Variants in SLC4A4 observed in about 807,000 individuals in gnomAD.
SLC4A4 encodes electrogenic sodium bicarbonate cotransporter 1.
SLC4A4 carries 27 observed loss-of-function variants against 111.5 expected under a neutral mutation model. That is an observed-to-expected ratio of 0.24 (90% CI 0.18 to 0.33). The LOEUF (loss-of-function observed/expected upper bound fraction) is 0.33. SLC4A4 is among the 10% of genes least tolerant of loss of function. The pLI is 1.00. For missense variants in SLC4A4, 909 were observed against 1,315.5 expected (o/e 0.69, Z 4.78); for synonymous variants, 443 against 463.4 (o/e 0.96, Z 0.57).
chr4:71,424,131 A>C (rs1026010731), intron 7 of SLC4A4, among the ~76,000 whole-genome samples: 1 of 152,176 alleles, frequency 6.6e-6, no homozygotes, highest in Non-Finnish European at 1.5e-5. Context: ...CAATGAACTC[A>C]AACAAATTTA....
intron 14 of SLC4A4, among the ~76,000 whole-genome samples, chr4:71,479,873 AC>A (rs1728711663): frequency 6.6e-6 from 1 of 151,838 alleles, no homozygotes; most frequent in African/African-American, 2.4e-5. Context: ...TTGTCATCAG[AC>A]CTGGAAAATT....
In SLC4A4 at chr4:71,285,408, G is replaced by A. The variant is rs554344636; in HGVS notation, c.253+30009G>A. 8.0e-4 allele frequency among the ~76,000 whole-genome samples: 122 copies of A among 152,268 alleles called. 1 individual carries two copies. In the South Asian group the frequency reaches 0.011, roughly 14 times the overall value. ...CCCCACTGGCTCACCTGGGGAGACT[G>A]AGGGCAAATTGCCTGTATTGATCAC... is the stretch of plus-strand genomic sequence containing the variant. On this transcript the variant is annotated intron_variant, in intron 3 of 25. Transcript: ENST00000264485.
intron 18 of SLC4A4, among the ~76,000 whole-genome samples, chr4:71,541,091 A>C (rs188907138): frequency 5.9e-5 from 9 of 152,238 alleles, no homozygotes; most frequent in African/African-American, 2.2e-4. Flanking sequence ...GTGACAACCA[A>C]AAATGTCTTC....
intron 8 of SLC4A4, among the ~76,000 whole-genome samples, chr4:71,444,919 C>T (rs1725085067): frequency 6.6e-6 from 1 of 152,144 alleles, no homozygotes; most frequent in East Asian, 1.9e-4. Flanking sequence ...GGCAGATTTA[C>T]TGAATTATTC....
chr4:71,543,124 G>A (rs1735214721), intron 18 of SLC4A4, among the ~76,000 whole-genome samples: 1 of 152,102 alleles, frequency 6.6e-6, no homozygotes, highest in African/African-American at 2.4e-5. Context: ...TAATGTGATG[G>A]CACTTATATT....
intron 2 of SLC4A4, among the ~76,000 whole-genome samples, chr4:71,249,583 A>G (rs1019437188): frequency 6.6e-6 from 1 of 152,140 alleles, no homozygotes; most frequent in Non-Finnish European, 1.5e-5. Flanking sequence ...TGAGAATAAT[A>G]AGCTAACAAA....
At chr4:71,275,910 G>A (rs560250725) in intron 3 of SLC4A4, among the ~76,000 whole-genome samples, 1 of 152,326 alleles carries the variant, frequency 6.6e-6, no homozygotes, top group Admixed American at 6.5e-5. Flanking sequence ...TGAAGTTGAA[G>A]CTGGTGATTT....
At chr4:71,123,608 G>C (rs1320092136) in intron 2 of SLC4A4, among the ~76,000 whole-genome samples, 4 of 152,056 alleles carry the variant, frequency 2.6e-5, no homozygotes, top group Admixed American at 6.6e-5. Context: ...AAAAAAATTA[G>C]CAACAGTAAA....
At chr4:71,422,990 C>A (rs1722708472) in intron 7 of SLC4A4, among the ~76,000 whole-genome samples, 1 of 152,032 alleles carries the variant, frequency 6.6e-6, no homozygotes, top group South Asian at 2.1e-4. Flanking sequence ...CTGGCCAGGG[C>A]AATTAGGCAG....
At chr4:71,470,744 C>T (rs1194777786) in intron 13 of SLC4A4, among the ~76,000 whole-genome samples, 1 of 151,984 alleles carries the variant, frequency 6.6e-6, no homozygotes, top group Non-Finnish European at 1.5e-5. Context: ...GCTGGAGACC[C>T]AGGGGAGCCA....
At chr4:71,092,895 G>A (rs1299618944) in intron 2 of SLC4A4, among the ~76,000 whole-genome samples, 3 of 152,074 alleles carry the variant, frequency 2.0e-5, no homozygotes, top group South Asian at 2.1e-4. Context: ...AAGAGATCAC[G>A]ACCACCCTGG....
chr4:71,113,335 C>T (rs1743147516), intron 2 of SLC4A4, among the ~76,000 whole-genome samples: 1 of 152,186 alleles, frequency 6.6e-6, no homozygotes, highest in African/African-American at 2.4e-5. Flanking sequence ...GAAAAATCCT[C>T]TGGGAAACTG....
chr4:71,301,187 C>T, intron 3 of SLC4A4: 1 of 274,460 alleles, frequency 3.6e-6, no homozygotes, highest in Non-Finnish European at 7.3e-6. Context: ...CCATTACACT[C>T]ATACCCACAC....
At chr4:71,474,117 CAAAAA>C (rs55943109) in intron 14 of SLC4A4, among the ~76,000 whole-genome samples, 8 of 121,346 alleles carry the variant, frequency 6.6e-5, no homozygotes, top group Admixed American at 8.2e-5. Flanking sequence ...AAGACCCTGT[CAAAAA>C]AAAAAAAAAA....
At chr4:71,274,876 A>G (rs949394971) in intron 3 of SLC4A4, among the ~76,000 whole-genome samples, 1 of 152,230 alleles carries the variant, frequency 6.6e-6, no homozygotes, top group Non-Finnish European at 1.5e-5. Flanking sequence ...TTAGTCAGTG[A>G]AAAAAGTTGC....
At chr4:71,076,783 G>T (rs1741845079) in intron 1 of SLC4A4, among the ~76,000 whole-genome samples, 1 of 152,058 alleles carries the variant, frequency 6.6e-6, no homozygotes, top group African/African-American at 2.4e-5. Flanking sequence ...TTGAGTGCAG[G>T]AGTTTGAGAC....
intron 2 of SLC4A4, among the ~76,000 whole-genome samples, chr4:71,174,761 GAGAC>G (rs1326732892): frequency 6.6e-6 from 1 of 152,036 alleles, no homozygotes; most frequent in Non-Finnish European, 1.5e-5. Flanking sequence ...ATTTGTTTTT[GAGAC>G]AGGGTCTTGT....
chr4:71,216,016 C>A (rs112410872), intron 1 of SLC4A4, among the ~76,000 whole-genome samples: 1,749 of 147,758 alleles, frequency 0.012, 20 homozygotes, highest in Non-Finnish European at 0.018. Context: ...TCAAGCAATT[C>A]TCCTGTCTCA....
intron 16 of SLC4A4, among the ~76,000 whole-genome samples, chr4:71,517,876 A>C (rs1160049634): frequency 1.7e-5 from 2 of 117,620 alleles, no homozygotes; most frequent in African/African-American, 1.0e-4. Flanking sequence ...TTGTGTAAAC[A>C]GGTGAGTGCA....
Sources: allele counts gnomAD v4.1 joint callset (sites outside exome capture counted in the v4.1 genomes callset), GRCh38; gene constraint gnomAD v4.1.1; transcripts MANE v1.5; gene names NCBI Gene and HGNC (gene_info 2026-07-23, HGNC 2026-07-21).